BABAM2: variants seen among roughly 807,000 people sequenced by gnomAD.
BABAM2 encodes the protein BRISC and BRCA1 A complex member 2, also known as BRISC and BRCA1-A complex member 2.
In BABAM2, 31 loss-of-function variants were observed where a neutral mutation model predicts 54.7. That is an observed-to-expected ratio of 0.57 (90% CI 0.43 to 0.77). The LOEUF (loss-of-function observed/expected upper bound fraction) is 0.77. Among genes scored for constraint, BABAM2 ranks in the 30% least tolerant of loss-of-function variants. The pLI is 0.00. For missense variants in BABAM2, 364 were observed against 455.8 expected, an observed-to-expected ratio of 0.80 and a Z score of 1.83; for synonymous variants, 167 against 162.9, an observed-to-expected ratio of 1.03 and a Z score of -0.19.
intron 3 of BABAM2, among the ~76,000 whole-genome samples, chr2:27,976,105 T>C (rs1671583811): frequency 1.3e-5 from 2 of 152,134 alleles, no homozygotes; most frequent in African/African-American, 4.8e-5. Flanking sequence ...TCATGCGTTG[T>C]TGGTTTGCTA....
chr2:27,935,124 A>T (rs1407168280), intron 3 of BABAM2, among the ~76,000 whole-genome samples: 1 of 152,204 alleles, frequency 6.6e-6, no homozygotes, highest in Non-Finnish European at 1.5e-5. Context: ...GGATAGACTG[A>T]CTTTCTGATT....
chr2:27,991,522 C>T (rs1672771979), intron 4 of BABAM2, among the ~76,000 whole-genome samples: 1 of 152,124 alleles, frequency 6.6e-6, no homozygotes, highest in African/African-American at 2.4e-5. Flanking sequence ...AAAAAGAAAC[C>T]TTAAACTTAT....
chr2:28,310,125 C>T, intron 11 of BABAM2: 1 of 1,614,172 alleles, frequency 6.2e-7, no homozygotes, highest in Non-Finnish European at 8.5e-7. Context: ...CTCTGCCTGA[C>T]ATCCAGGCAT....
chr2:28,094,155 A>G (rs1484021986), intron 6 of BABAM2, among the ~76,000 whole-genome samples: 1 of 152,204 alleles, frequency 6.6e-6, no homozygotes, highest in Non-Finnish European at 1.5e-5. Flanking sequence ...AAAATTAATA[A>G]AAAATTTAAA....
At chr2:28,137,401 A>G (rs1159868565) in intron 7 of BABAM2, among the ~76,000 whole-genome samples, 2 of 152,140 alleles carry the variant, frequency 1.3e-5, no homozygotes, top group African/African-American at 4.8e-5. Flanking sequence ...CTTATCCTCT[A>G]GGGACTTGAG....
At chr2:28,088,140 T>C (rs138064765) in intron 6 of BABAM2, among the ~76,000 whole-genome samples, 1,892 of 152,298 alleles carry the variant, frequency 0.012, 17 homozygotes, top group Middle Eastern at 0.031. Context: ...CTTACATAGA[T>C]GTCATAGATT....
chr2:28,304,571 A>G lies in BABAM2; in HGVS notation c.1088+6080A>G, dbSNP rs549944151. Reference sequence around the variant, plus strand: ...AATAGATTTTTTAAATAGATTTCTTATAATTTCTTTTTTCTTTTTTTTGGA... The same window carrying G: ...AATAGATTTTTTAAATAGATTTCTTGTAATTTCTTTTTTCTTTTTTTTGGA... On this transcript the variant is annotated intron_variant, in intron 11 of 11. Transcript: ENST00000379624. This position sits in a 1 kb window ranked among gnomAD's most constrained non-coding sequence, Gnocchi z 4.0. Among the ~76,000 whole-genome samples the G allele has an allele frequency of 3.3e-5, 5 of 151,536 alleles. No individual in the cohort carries two copies. The highest frequency in any genetic ancestry group is 2.6e-4 in the Admixed American group (4 of 15,218).
intron 2 of BABAM2, among the ~76,000 whole-genome samples, chr2:27,917,665 A>G (rs1173949934): frequency 6.6e-6 from 1 of 152,162 alleles, no homozygotes; most frequent in Non-Finnish European, 1.5e-5. Context: ...AGATTCCAAT[A>G]AGAATTTTGA....
chr2:28,257,702 T>G (rs1335152737), intron 10 of BABAM2, among the ~76,000 whole-genome samples: 1 of 151,770 alleles, frequency 6.6e-6, no homozygotes, highest in Non-Finnish European at 1.5e-5. Flanking sequence ...TGAGCAACAT[T>G]GCAAGACCCT....
At chr2:28,290,950 A>G (rs1173630994) in intron 10 of BABAM2, among the ~76,000 whole-genome samples, 1 of 152,256 alleles carries the variant, frequency 6.6e-6, no homozygotes, top group East Asian at 1.9e-4. Flanking sequence ...GAAATTTCAC[A>G]TATACAGAAC....
At chr2:28,278,964 A>G (rs1686110179) in intron 10 of BABAM2, among the ~76,000 whole-genome samples, 2 of 152,276 alleles carry the variant, frequency 1.3e-5, no homozygotes, top group Admixed American at 6.5e-5. Context: ...AATGGGCCAC[A>G]GAATTCATTC....
At chr2:27,941,504 C>T (rs180730300) in intron 3 of BABAM2, among the ~76,000 whole-genome samples, 107 of 151,126 alleles carry the variant, frequency 7.1e-4, no homozygotes, top group African/African-American at 2.3e-3. Context: ...TGCAGCTAGC[C>T]GAGATCGCGG....
At chr2:28,310,063 G>A (rs1361202797) in intron 11 of BABAM2, 4 of 1,612,818 alleles carry the variant, frequency 2.5e-6, no homozygotes, top group Non-Finnish European at 3.4e-6. Context: ...AAAGGGATTT[G>A]GTTTGTTTTT....
intron 3 of BABAM2, among the ~76,000 whole-genome samples, chr2:27,935,055 G>A (rs1351660584): frequency 6.6e-6 from 1 of 152,188 alleles, no homozygotes; most frequent in Non-Finnish European, 1.5e-5. Flanking sequence ...ACAGGCTTAT[G>A]TTGGAAGAAG....
intron 10 of BABAM2, 58 bp downstream of exon 10, chr2:28,244,920 A>G (rs1682777816): frequency 6.9e-7 from 1 of 1,458,064 alleles, no homozygotes. Context: ...CCTAAACCAC[A>G]TGTAATAATC....
intron 2 of BABAM2, among the ~76,000 whole-genome samples, chr2:27,900,507 T>A (rs17006365): frequency 6.6e-6 from 1 of 151,864 alleles, no homozygotes; most frequent in Non-Finnish European, 1.5e-5. Flanking sequence ...AGTTCTTGTT[T>A]AATTTATGTT....
At chr2:28,207,113 A>G (rs1329660627) in intron 7 of BABAM2, among the ~76,000 whole-genome samples, 1 of 152,198 alleles carries the variant, frequency 6.6e-6, no homozygotes, top group Non-Finnish European at 1.5e-5. Flanking sequence ...TAACCACTAC[A>G]CTAGTATCTT....
intron 10 of BABAM2, among the ~76,000 whole-genome samples, chr2:28,290,794 G>A (rs1687224808): frequency 3.3e-5 from 5 of 152,276 alleles, no homozygotes; most frequent in Middle Eastern, 3.4e-3. Flanking sequence ...TTGGGCCATC[G>A]TGTATAACTT....
At chr2:28,119,262 G>A (rs1383620296) in intron 6 of BABAM2, among the ~76,000 whole-genome samples, 3 of 152,148 alleles carry the variant, frequency 2.0e-5, no homozygotes, top group Non-Finnish European at 2.9e-5. Flanking sequence ...CACACTTAGG[G>A]CAGTAGGGGA....
Sources: gnomAD v4.1 joint callset for allele counts (sites outside exome capture counted in the v4.1 genomes callset) on GRCh38, gnomAD v4.1.1 for gene constraint, Gnocchi (gnomAD v3.1) non-coding constraint, MANE v1.5 for transcripts, NCBI Gene and HGNC (gene_info 2026-07-23, HGNC 2026-07-21) for gene names.